ELAVL3: variants seen among roughly 807,000 people sequenced by gnomAD.
ELAVL3 encodes the protein ELAV like RNA binding protein 3.
ELAVL3 carries 8 observed loss-of-function variants against 34.2 expected under a neutral mutation model. That is an observed-to-expected ratio of 0.23 (90% CI 0.14 to 0.42). The LOEUF is 0.42. Ranked by LOEUF, ELAVL3 falls within the 10% of genes least tolerant of loss-of-function variation. The pLI, the probability that ELAVL3 is intolerant of heterozygous loss-of-function variation, is 1.00. For missense variants in ELAVL3, 273 were observed against 518.8 expected (o/e 0.53, Z 4.60); for synonymous variants, 209 against 222.1 (o/e 0.94, Z 0.53).
In ELAVL3 at chr19:11,466,567, G is replaced by A. The variant is rs745320868; in HGVS notation, c.229+41C>T. 4 of 1,605,048 alleles carry A rather than the reference G, an allele frequency of 2.5e-6. No homozygotes were observed. The highest frequency in any genetic ancestry group is 1.7e-5 in the Admixed American group (1 of 59,838). On this transcript the variant is annotated intron_variant, in intron 2 of 6. Transcript: ENST00000359227. The surrounding 1 kb of genome is among the most constrained non-coding windows in gnomAD (Gnocchi z 5.0). ...CCCCCATCACCTCTGTATTTCTGAG[G>A]CTACCACCTCTGTTCCTCCCCGCAA...
At chr19:11,463,320 A>G (rs76924454) in intron 3 of ELAVL3, among the ~76,000 whole-genome samples, 6,629 of 152,256 alleles carry the variant, frequency 0.044, 211 homozygotes, top group East Asian at 0.14. Context: ...TGACCGCGCA[A>G]CACCGTCACA....
chr19:11,454,492 C>T lies in ELAVL3; in HGVS notation c.*34G>A. 2 of 1,510,346 alleles carry T rather than the reference C, an allele frequency of 1.3e-6. No individual in the cohort carries two copies. The highest frequency in any genetic ancestry group is 1.8e-6 in the Non-Finnish European group (2 of 1,123,766). The allele number at this position is 1,510,346 out of a possible 1,614,324, so 93.6% of individuals were successfully genotyped here. A position where few individuals can be genotyped will look rare whatever the true frequency, so the allele number is the denominator to read the frequency against. The stretch of plus-strand genomic sequence containing the variant: ...CTTTCTCTCTCTCTCTCTCTGCTGC[C>T]CGGGGAGGGGGTGGGAGGGCAGGCG... On this transcript the variant is annotated 3_prime_UTR_variant, in exon 7 of 7. Transcript: ENST00000359227. The surrounding 1 kb of genome is among the most constrained non-coding windows in gnomAD (Gnocchi z 9.2).
At chr19:11,457,975 C>A (rs1970804501) in intron 5 of ELAVL3, 86 bp downstream of exon 5, 3 of 1,438,110 alleles carry the variant, frequency 2.1e-6, no homozygotes, top group East Asian at 2.3e-5. Context: ...TCCCGGCATC[C>A]CTCCCTTCGG....
intron 3 of ELAVL3, among the ~76,000 whole-genome samples, chr19:11,460,047 G>T (rs971786227): frequency 6.6e-6 from 1 of 151,944 alleles, no homozygotes; most frequent in Admixed American, 6.5e-5. Context: ...CCACATGGGG[G>T]TGTCAAGGGC....
chr19:11,472,357 C>T (rs1016183241), intron 1 of ELAVL3, among the ~76,000 whole-genome samples: 1 of 151,296 alleles, frequency 6.6e-6, no homozygotes, highest in African/African-American at 2.4e-5. Context: ...AACAAACACA[C>T]ATACTGATTG....
intron 5 of ELAVL3, 42 bp from the exon 6 acceptor site, chr19:11,457,190 C>T (rs377216018): frequency 3.3e-5 from 51 of 1,536,432 alleles, no homozygotes; most frequent in Middle Eastern, 2.1e-4. Context: ...CTTCCAGTCA[C>T]GCCCCCCTGC....
At chr19:11,462,620 A>G (rs1194232978) in intron 3 of ELAVL3, among the ~76,000 whole-genome samples, 3 of 151,216 alleles carry the variant, frequency 2.0e-5, no homozygotes. Context: ...TGGGTAACAG[A>G]GCAAGATTCC....
chr19:11,458,825 AG>A lies in ELAVL3; in HGVS notation c.334-215del, dbSNP rs1970823838. ...GTAACAACTTGGACTGCCTGTATAG[AG>A]TGATGGGGACCTGCCACCTAGGGAG... On this transcript the variant is annotated intron_variant, in intron 3 of 6. Transcript: ENST00000359227. The surrounding 1 kb of genome is among the most constrained non-coding windows in gnomAD (Gnocchi z 7.3). Among the ~76,000 whole-genome samples, 1 of 151,942 alleles carries A rather than the reference AG, an allele frequency of 6.6e-6. No individual in the cohort carries two copies. Among genetic ancestry groups the A allele is most frequent in the African/African-American group, 2.4e-5 (1 of 41,364 alleles).
chr19:11,454,889 GTCACGCGGGC>G lies in ELAVL3; in HGVS notation c.753-22_753-13del. The G allele has an allele frequency of 6.3e-7, 1 of 1,585,162 alleles. No homozygotes were observed. Among genetic ancestry groups the G allele is most frequent in the Non-Finnish European group, 8.5e-7 (1 of 1,170,126 alleles). The stretch of plus-strand genomic sequence containing the variant: ...TGAGCGACAGGGGACTACTTTGGGG[GTCACGCGGGC>G]TCTGCCCTGACCCCCCGCATGCTTC... On this transcript the variant is annotated splice_polypyrimidine_tract_variant and intron_variant, in intron 6 of 6. Coordinates refer to ENST00000359227, the MANE Select transcript of ELAVL3 (RefSeq NM_001420.4). This position sits in a 1 kb window ranked among gnomAD's most constrained non-coding sequence, Gnocchi z 9.2.
rs917983228 is a variant in ELAVL3 at position 11,452,648 on chromosome 19, A to C, written c.*1878T>G. On this transcript the variant is annotated 3_prime_UTR_variant, in exon 7 of 7. Coordinates refer to ENST00000359227, the MANE Select transcript of ELAVL3 (RefSeq NM_001420.4). The stretch of plus-strand genomic sequence containing the variant: ...ATAACAACACCGGGAGGGGTGGGGG[A>C]GAGAGAGCTGGACAGTCAGATGGGG... 1 of 149,836 alleles carries C rather than the reference A, an allele frequency of 6.7e-6. No homozygotes were observed. The allele number at this position is 149,836 out of a possible 1,614,324, so 9.3% of individuals were successfully genotyped here. A position where few individuals can be genotyped will look rare whatever the true frequency, so the allele number is the denominator to read the frequency against.
intron 3 of ELAVL3, among the ~76,000 whole-genome samples, chr19:11,459,831 C>G (rs1156585550): frequency 3.9e-5 from 6 of 152,098 alleles, no homozygotes; most frequent in Admixed American, 3.9e-4. Flanking sequence ...AAGCCATCCT[C>G]CCACCTCAGC....
intron 1 of ELAVL3, among the ~76,000 whole-genome samples, chr19:11,474,727 C>T (rs1971231641): frequency 6.6e-6 from 1 of 152,222 alleles, no homozygotes; most frequent in East Asian, 1.9e-4. Context: ...TCGTAGTGCA[C>T]TGCAGCCTCC....
intron 3 of ELAVL3, among the ~76,000 whole-genome samples, chr19:11,461,561 T>C (rs1970886324): frequency 6.8e-6 from 1 of 147,738 alleles, no homozygotes; most frequent in Non-Finnish European, 1.5e-5. Flanking sequence ...TTCCCTTCCT[T>C]CCTTTCCTCT....
chr19:11,479,196 C>A (rs1391714668), intron 1 of ELAVL3, among the ~76,000 whole-genome samples: 1 of 152,148 alleles, frequency 6.6e-6, no homozygotes, highest in Admixed American at 6.5e-5. Flanking sequence ...AGGCCACACT[C>A]CAGTTCCCAG....
At chr19:11,467,897 C>T (rs1489221183) in intron 1 of ELAVL3, among the ~76,000 whole-genome samples, 3 of 152,166 alleles carry the variant, frequency 2.0e-5, no homozygotes, top group Non-Finnish European at 4.4e-5. Flanking sequence ...TCAAGCAATC[C>T]TCCCACCTCA....
At position 11,466,768 on chromosome 19, in the gene ELAVL3, G is replaced by A. The variant is rs1971060415; in HGVS notation, c.69C>T (p.Pro23=). Residue 23 remains proline, a synonymous_variant, in exon 2 of 7, where the codon CCC becomes CCT. Coordinates refer to ENST00000359227, the MANE Select transcript of ELAVL3 (RefSeq NM_001420.4). The surrounding 1 kb of genome is among the most constrained non-coding windows in gnomAD (Gnocchi z 5.0). ...CATTTGTACCAAGGAGTGGCCCGTT[G>A]GGCAGGGCCGGGCCGGCCGGGCCCC... ...VGGGPAGPAL[P]NGPLLGTNGA... is the part of the protein sequence containing the mutation. 5.6e-6 allele frequency: 9 copies of A among 1,613,926 alleles called. No individual in the cohort carries two copies. Among genetic ancestry groups the A allele is most frequent in the Non-Finnish European group, 6.8e-6 (8 of 1,179,994 alleles).
At chr19:11,474,093 T>C (rs1455853492) in intron 1 of ELAVL3, among the ~76,000 whole-genome samples, 2 of 152,144 alleles carry the variant, frequency 1.3e-5, no homozygotes, top group South Asian at 2.1e-4. Flanking sequence ...GGTGCAGTGG[T>C]ATGATCATGA....
In ELAVL3 at chr19:11,451,482, CTTTT is replaced by C. The variant is rs1178842977; in HGVS notation, c.*3040_*3043del. ...TGTTGGGTTTTTTTTTTTTTTTTGT[CTTTT>C]GTTTTGTCTTTTTTTTTTTTTTTTT... On this transcript the variant is annotated 3_prime_UTR_variant, in exon 7 of 7. Coordinates refer to ENST00000359227, the MANE Select transcript of ELAVL3 (RefSeq NM_001420.4). 1 of 82,844 alleles carries C rather than the reference CTTTT, an allele frequency of 1.2e-5. No individual in the cohort carries two copies. The highest frequency in any genetic ancestry group is 2.5e-5 in the Non-Finnish European group (1 of 39,634). 5.1% of individuals were successfully genotyped at this position (82,844 alleles called of 1,614,324 possible).
chr19:11,469,254 T>A (rs946310742), intron 1 of ELAVL3, among the ~76,000 whole-genome samples: 1 of 151,424 alleles, frequency 6.6e-6, no homozygotes, highest in Non-Finnish European at 1.5e-5. Context: ...TACATTAATG[T>A]CATGAATTAC....
Sources: allele counts gnomAD v4.1 joint callset (sites outside exome capture counted in the v4.1 genomes callset), GRCh38; gene constraint gnomAD v4.1.1; non-coding constraint Gnocchi (gnomAD v3.1); transcripts MANE v1.5; gene names NCBI Gene and HGNC (gene_info 2026-07-23, HGNC 2026-07-21).